Variants in SLC35H1 observed in about 807,000 individuals in gnomAD.
SLC35H1 encodes solute carrier family 35 member H1.
chr20:46,358,913 G>C, the SLC35H1 span: 11 of 640,382 alleles, frequency 1.7e-5, no homozygotes, highest in African/African-American at 2.0e-4. Context: ...CGTGTCTGCT[G>C]TCTTGTCACC....
chr20:46,360,705 C>T, the SLC35H1 span, among the ~76,000 whole-genome samples: 2 of 152,108 alleles, frequency 1.3e-5, no homozygotes, highest in Non-Finnish European at 2.9e-5. Flanking sequence ...TGCACCACCA[C>T]ACCCGGCTAA....
chr20:46,362,720 A>G, the SLC35H1 span, among the ~76,000 whole-genome samples: 10 of 152,256 alleles, frequency 6.6e-5, no homozygotes, highest in Admixed American at 1.3e-4. Flanking sequence ...CACTGCTCCA[A>G]TGAGTCACCA....
At chr20:46,359,068 T>G in the SLC35H1 span, 22 of 384,064 alleles carry the variant, frequency 5.7e-5, no homozygotes, top group Non-Finnish European at 1.0e-4. Flanking sequence ...CATGGCCTCA[T>G]CTGGCCCTGC....
the SLC35H1 span, chr20:46,355,137 C>T: frequency 5.6e-6 from 9 of 1,613,996 alleles, no homozygotes; most frequent in African/African-American, 1.3e-5. The surrounding 1 kb of genome is among the most constrained non-coding windows in gnomAD (Gnocchi z 4.8). Flanking sequence ...TGAACGAGGC[C>T]CCCAGCACCA....
chr20:46,357,474 T>C, the SLC35H1 span: 1 of 941,064 alleles, frequency 1.1e-6, no homozygotes, highest in Non-Finnish European at 1.6e-6. Flanking sequence ...GCGTGGGTGG[T>C]GGGAGGCCAG....
the SLC35H1 span, among the ~76,000 whole-genome samples, chr20:46,351,412 G>T: frequency 1.2e-4 from 18 of 152,366 alleles, no homozygotes; most frequent in Middle Eastern, 3.4e-3. Context: ...GCATTTCTGG[G>T]TTTAGGCAAC....
chr20:46,351,476 C>A, the SLC35H1 span, among the ~76,000 whole-genome samples: 1 of 152,214 alleles, frequency 6.6e-6, no homozygotes, highest in Non-Finnish European at 1.5e-5. Context: ...CTCCCTGCCC[C>A]TGAACAGGGA....
At chr20:46,355,400 C>T in the SLC35H1 span, 47 of 775,218 alleles carry the variant, frequency 6.1e-5, no homozygotes, top group East Asian at 1.3e-3. The surrounding 1 kb of genome is among the most constrained non-coding windows in gnomAD (Gnocchi z 4.8). Context: ...ACAGTCCTTG[C>T]CCACCAATGT....
At chr20:46,350,804 C>G in the SLC35H1 span, 3 of 1,614,096 alleles carry the variant, frequency 1.9e-6, no homozygotes, top group South Asian at 2.2e-5. Flanking sequence ...GGGATATTCC[C>G]GAGAGGCAGA....
chr20:46,352,149 A>T, the SLC35H1 span: 6 of 1,614,230 alleles, frequency 3.7e-6, no homozygotes, highest in South Asian at 6.6e-5. Flanking sequence ...CCGCCAAGGA[A>T]GAGGCTCCCA....
chr20:46,350,706 G>C, the SLC35H1 span: 135 of 1,577,864 alleles, frequency 8.6e-5, no homozygotes, highest in African/African-American at 1.7e-3. Flanking sequence ...GAATCACTAA[G>C]AGTCACAGGG....
chr20:46,359,420 CT>C, the SLC35H1 span, among the ~76,000 whole-genome samples: 2 of 152,204 alleles, frequency 1.3e-5, no homozygotes, highest in African/African-American at 4.8e-5. Flanking sequence ...CCACACTGGC[CT>C]TACGCACAGC....
the SLC35H1 span, chr20:46,355,015 C>A: frequency 6.2e-7 from 1 of 1,613,666 alleles, no homozygotes; most frequent in Non-Finnish European, 8.5e-7. The surrounding 1 kb of genome is among the most constrained non-coding windows in gnomAD (Gnocchi z 4.8). Flanking sequence ...CCCTGCCCTG[C>A]CTCCGCCCTG....
the SLC35H1 span, chr20:46,350,944 G>A: frequency 5.0e-6 from 8 of 1,605,678 alleles, no homozygotes; most frequent in South Asian, 8.9e-5. Flanking sequence ...TTGGCTGCTT[G>A]ACCAGGAGGG....
At chr20:46,357,233 C>T in the SLC35H1 span, among the ~76,000 whole-genome samples, 4 of 152,214 alleles carry the variant, frequency 2.6e-5, no homozygotes, top group African/African-American at 4.8e-5. Context: ...CCATGGGCCC[C>T]GGCCTTGGGT....
At chr20:46,352,700 G>GGAT in the SLC35H1 span, 1 of 160,382 alleles carries the variant, frequency 6.2e-6, no homozygotes, top group Non-Finnish European at 1.4e-5. Flanking sequence ...GATCCTAGTG[G>GGAT]GATGATGATG....
the SLC35H1 span, chr20:46,352,245 G>C: frequency 2.5e-6 from 4 of 1,612,620 alleles, no homozygotes; most frequent in South Asian, 1.1e-5. Flanking sequence ...AACAGGGAGA[G>C]AGAGTGGGAG....
the SLC35H1 span, among the ~76,000 whole-genome samples, chr20:46,360,630 C>T: frequency 1.3e-5 from 2 of 152,080 alleles, no homozygotes; most frequent in South Asian, 2.1e-4. Flanking sequence ...CCACAAGCTC[C>T]GCCTCCCAGG....
chr20:46,355,053 GAT>G, the SLC35H1 span: 1 of 1,613,838 alleles, frequency 6.2e-7, no homozygotes. The surrounding 1 kb of genome is among the most constrained non-coding windows in gnomAD (Gnocchi z 4.8). Flanking sequence ...CTCTCTGGAG[GAT>G]GAGTGGCACG....
Sources: allele counts gnomAD v4.1 joint callset (sites outside exome capture counted in the v4.1 genomes callset), GRCh38; gene constraint gnomAD v4.1.1; non-coding constraint Gnocchi (gnomAD v3.1); transcripts MANE v1.5; gene names NCBI Gene and HGNC (gene_info 2026-07-23, HGNC 2026-07-21).